Variants in SLC10A1 observed in about 807,000 individuals in gnomAD.
SLC10A1 encodes hepatic sodium/bile acid cotransporter.
In SLC10A1, 36 loss-of-function variants were observed where a neutral mutation model predicts 20.5. The ratio of observed to expected loss-of-function variants is 1.75; its 90% CI spans 1.34 to 2.32. SLC10A1 has a LOEUF of 2.32. Ranked by LOEUF, SLC10A1 falls within the 30% of genes most tolerant of loss-of-function variation. SLC10A1 has a pLI of 0.00. For missense variants in SLC10A1, 545 were observed against 439.1 expected (o/e 1.24, Z -2.16); for synonymous variants, 188 against 163.6 (o/e 1.15, Z -1.14).
chr14:69,780,335 G>C (rs933994733), intron 2 of SLC10A1, among the ~76,000 whole-genome samples: 1 of 152,182 alleles, frequency 6.6e-6, no homozygotes, highest in Non-Finnish European at 1.5e-5. Context: ...TGATAAACAG[G>C]TATGTGTAAA....
At chr14:69,790,334 T>G (rs1382836823) in intron 1 of SLC10A1, among the ~76,000 whole-genome samples, 1 of 152,130 alleles carries the variant, frequency 6.6e-6, no homozygotes, top group Non-Finnish European at 1.5e-5. Flanking sequence ...TGCCCTAATT[T>G]ATTGTATAAA....
Position 69,776,303 on chromosome 14 carries a change from G to A in SLC10A1, c.1029C>T (p.Asp343=), listed in dbSNP as rs1883443832. 1.9e-6 allele frequency: 3 copies of A among 1,612,102 alleles called. No homozygotes were observed. The African/African-American group carries it at 4.0e-5, about 22-fold the overall frequency. ...ALGNGTYKGE[D]CSPCTA is the part of the protein sequence containing the mutation. ...AGGGCTAGGCTGTGCAAGGGGAGCA[G>A]TCCTCCCCTTTGTAGGTGCCATTTC... Residue 343 remains aspartate, a synonymous_variant, in exon 5 of 5, where the codon GAC becomes GAT. Coordinates refer to ENST00000216540, the MANE Select transcript of SLC10A1 (RefSeq NM_003049.4).
rs1312108625 is a variant in SLC10A1 at position 69,778,427 on chromosome 14, GA to G, written c.848del (p.Phe283SerfsTer8). ...AAATCATGTAGAGGAGGGGAAAGAA[GA>G]AAAGTGGTCCAATGACTTCAGGTGG... is the stretch of plus-strand genomic sequence containing the variant. ...AFPPEVIGPL[F>X]FFPLLYMIFQ... is the part of the protein sequence containing the mutation. On this transcript the variant is annotated frameshift_variant, in exon 4 of 5. Transcript: ENST00000216540. LOFTEE classifies it high-confidence loss of function. 1 of 1,611,610 alleles carries G rather than the reference GA, an allele frequency of 6.2e-7. No individual in the cohort carries two copies. The highest frequency in any genetic ancestry group is 1.7e-4 in the Middle Eastern group (1 of 6,054).
chr14:69,792,194 GA>G (rs751321574), intron 1 of SLC10A1, among the ~76,000 whole-genome samples: 1 of 151,366 alleles, frequency 6.6e-6, no homozygotes, highest in Non-Finnish European at 1.5e-5. Context: ...ATTTCTTAAA[GA>G]AACCCCTAAA....
At chr14:69,796,150 G>A (rs1487661913) in intron 1 of SLC10A1, among the ~76,000 whole-genome samples, 1 of 152,180 alleles carries the variant, frequency 6.6e-6, no homozygotes, top group Non-Finnish European at 1.5e-5. Context: ...GTTAGGGGGT[G>A]CTGCTGTCTT....
In SLC10A1 at chr14:69,777,964, A is replaced by G. The variant is rs77485688; in HGVS notation, c.943+369T>C. ...CAGGAAATGAGAACCTAGTCCTGAG[A>G]AATGGAAACTTCCCCAACTCTTGCG... On this transcript the variant is annotated intron_variant, in intron 4 of 4. Coordinates refer to ENST00000216540, the MANE Select transcript of SLC10A1 (RefSeq NM_003049.4). Among the ~76,000 whole-genome samples the G allele has an allele frequency of 1.4e-3, 218 of 152,056 alleles. 1 individual carries two copies. The highest frequency in any genetic ancestry group is 5.0e-3 in the African/African-American group (208 of 41,460).
rs996130784 is a variant in SLC10A1 at position 69,775,502 on chromosome 14, A to G, written c.*780T>C. The G allele has an allele frequency of 6.6e-6, 1 of 152,192 alleles. No homozygotes were observed. The highest frequency in any genetic ancestry group is 6.5e-5 in the Admixed American group (1 of 15,282). The allele number at this position is 152,192 out of a possible 1,614,324, so 9.4% of individuals were successfully genotyped here. A position where few individuals can be genotyped will look rare whatever the true frequency, so the allele number is the denominator to read the frequency against. On this transcript the variant is annotated 3_prime_UTR_variant, in exon 5 of 5. Coordinates refer to ENST00000216540, the MANE Select transcript of SLC10A1 (RefSeq NM_003049.4). ...TGAACATTTTTCTTTGAATTGGGAA[A>G]CGACTCATTTTGGCAGTAGTTTGCT...
intron 4 of SLC10A1, among the ~76,000 whole-genome samples, chr14:69,777,150 ACTT>A (rs1051625733): frequency 2.0e-5 from 3 of 152,104 alleles, no homozygotes; most frequent in African/African-American, 7.2e-5. Context: ...TGGTCTAGAA[ACTT>A]CTGTGCACTT....
rs1161476801 is a variant in SLC10A1 at position 69,797,119 on chromosome 14, T to C, written c.37A>G (p.Thr13Ala). 6.2e-7 allele frequency: 1 copy of C among 1,613,458 alleles called. No homozygotes were observed. Among genetic ancestry groups the C allele is most frequent in the Non-Finnish European group, 8.5e-7 (1 of 1,179,874 alleles). Residue 13 changes from threonine to alanine, a missense_variant, in exon 1 of 5, where the codon ACC (threonine) becomes GCC (alanine). By Grantham distance (58) the Thr-to-Ala change is moderately conservative. Coordinates refer to ENST00000216540, the MANE Select transcript of SLC10A1 (RefSeq NM_003049.4). ...CGCTTGCCAAAGTTGGGTGGCAGGGTGAAGTTGAATGGGGCAGACGCGTTG... is the reference window on the plus strand; with the variant it reads ...CGCTTGCCAAAGTTGGGTGGCAGGGCGAAGTTGAATGGGGCAGACGCGTTG... ...AHNASAPFNF[T>A]LPPNFGKRPT...
chr14:69,794,528 C>G (rs1882346832), intron 1 of SLC10A1, among the ~76,000 whole-genome samples: 1 of 152,202 alleles, frequency 6.6e-6, no homozygotes, highest in African/African-American at 2.4e-5. Context: ...ATCACATATA[C>G]TTATCCAGGT....
chr14:69,787,690 C>T (rs890345685), intron 1 of SLC10A1, among the ~76,000 whole-genome samples: 1 of 152,166 alleles, frequency 6.6e-6, no homozygotes, highest in African/African-American at 2.4e-5. Flanking sequence ...GGAACTCCCC[C>T]ACCCCCGTGA....
intron 2 of SLC10A1, among the ~76,000 whole-genome samples, chr14:69,785,036 C>T (rs983092001): frequency 1.3e-5 from 2 of 152,174 alleles, no homozygotes; most frequent in South Asian, 2.1e-4. Flanking sequence ...CTCAGCAGCA[C>T]GCCTTGCAGA....
At chr14:69,786,736 C>G (rs772641500) in intron 1 of SLC10A1, among the ~76,000 whole-genome samples, 1 of 152,216 alleles carries the variant, frequency 6.6e-6, no homozygotes, top group East Asian at 1.9e-4. Flanking sequence ...GGAATGGCAC[C>G]TGACCCACAG....
rs200637128 is a variant in SLC10A1 at position 69,776,122 on chromosome 14, C to G, written c.*160G>C. The G allele has an allele frequency of 8.2e-6, 5 of 608,708 alleles. No individual in the cohort carries two copies. The South Asian group carries it at 1.0e-4, about 12-fold the overall frequency. 37.7% of individuals were successfully genotyped at this position (608,708 alleles called of 1,614,324 possible). On this transcript the variant is annotated 3_prime_UTR_variant, in exon 5 of 5. Transcript: ENST00000216540. ...AGGTGAGGCTTCTTGGGTAGACACC[C>G]TGTCTGTGTTCCCGGCCAAGACTTG... is the stretch of plus-strand genomic sequence containing the variant.
Position 69,779,176 on chromosome 14 carries a change from A to C in SLC10A1, c.746+6T>G, listed in dbSNP as rs1299265564. 1 of 1,561,400 alleles carries C rather than the reference A, an allele frequency of 6.4e-7. No homozygotes were observed. ...ACCCTTTCTTAAAAAAAAAAAAAAT[A>C]CCTACCGTCCATTGAGGCAGAAGAG... On this transcript the variant is annotated splice_donor_region_variant and intron_variant, in intron 3 of 4. Coordinates refer to ENST00000216540, the MANE Select transcript of SLC10A1 (RefSeq NM_003049.4).
intron 1 of SLC10A1, among the ~76,000 whole-genome samples, chr14:69,791,234 T>C (rs973779041): frequency 6.6e-6 from 1 of 152,162 alleles, no homozygotes; most frequent in Admixed American, 6.5e-5. Context: ...ACTTATAATT[T>C]TTTTTGTAGA....
rs944605098 is a variant in SLC10A1, at chr14:69,776,141, A to G, written c.*141T>C. 1.5e-6 allele frequency: 1 copy of G among 660,914 alleles called. No homozygotes were observed. 40.9% of individuals were successfully genotyped at this position (660,914 alleles called of 1,614,324 possible). A position where few individuals can be genotyped will look rare whatever the true frequency, so the allele number is the denominator to read the frequency against. On this transcript the variant is annotated 3_prime_UTR_variant, in exon 5 of 5. Transcript: ENST00000216540. Reference sequence around the variant, plus strand: ...GACACCCTGTCTGTGTTCCCGGCCAAGACTTGATGATTCTGATAGATGTAC... The same window carrying G: ...GACACCCTGTCTGTGTTCCCGGCCAGGACTTGATGATTCTGATAGATGTAC...
chr14:69,793,344 G>A (rs1882319853), intron 1 of SLC10A1, among the ~76,000 whole-genome samples: 1 of 152,108 alleles, frequency 6.6e-6, no homozygotes, highest in Admixed American at 6.6e-5. Flanking sequence ...GGACAGGGAC[G>A]GGCAAGGACT....
chr14:69,783,093 T>C lies in SLC10A1; in HGVS notation c.567+3004A>G, dbSNP rs544178536. On this transcript the variant is annotated intron_variant, in intron 2 of 4. Transcript: ENST00000216540. Reference sequence around the variant, plus strand: ...AGGATTTTTTAAAAAAGCAATCTTATGCACCCCACAAACTATCTTAAAAAA... The same window carrying C: ...AGGATTTTTTAAAAAAGCAATCTTACGCACCCCACAAACTATCTTAAAAAA... 3.9e-5 allele frequency among the ~76,000 whole-genome samples: 6 copies of C among 152,330 alleles called. No homozygotes were observed. The South Asian group carries it at 6.2e-4, about 16-fold the overall frequency.
Sources: allele counts gnomAD v4.1 joint callset (sites outside exome capture counted in the v4.1 genomes callset), GRCh38; gene constraint gnomAD v4.1.1; transcripts MANE v1.5; gene names NCBI Gene and HGNC (gene_info 2026-07-23, HGNC 2026-07-21).